Variants in MUSK observed in about 807,000 individuals in gnomAD.
MUSK encodes the protein muscle associated receptor tyrosine kinase.
MUSK carries 55 observed loss-of-function variants against 88.7 expected under a neutral mutation model. The observed-to-expected ratio is 0.62, with a 90% CI of 0.50 to 0.78. The LOEUF is 0.78. MUSK is among the 30% of genes least tolerant of loss of function. The probability of loss-of-function intolerance (pLI) is 0.00; values close to 1 mark genes in which losing one functional copy is unlikely to be tolerated. For synonymous variants in MUSK, 387 were observed against 391.9 expected (o/e 0.99, Z 0.15); for missense variants, 1,015 against 1,074.3 (o/e 0.94, Z 0.77).
chr9:110,673,314 T>A (rs1025589675), intron 1 of MUSK, among the ~76,000 whole-genome samples: 5 of 152,214 alleles, frequency 3.3e-5, no homozygotes, highest in Admixed American at 1.3e-4. Context: ...TTCAGCTCTA[T>A]CACTTCCTAT....
At chr9:110,733,123 C>G (rs1443346755) in intron 5 of MUSK, among the ~76,000 whole-genome samples, 1 of 151,998 alleles carries the variant, frequency 6.6e-6, no homozygotes, top group Non-Finnish European at 1.5e-5. Context: ...GCTTCATACT[C>G]TAATATTATA....
chr9:110,701,269 C>A (rs1442681787), intron 5 of MUSK, among the ~76,000 whole-genome samples: 1 of 152,064 alleles, frequency 6.6e-6, no homozygotes, highest in Non-Finnish European at 1.5e-5. Flanking sequence ...GTTTTTCCCT[C>A]CAGTGTTGCT....
chr9:110,773,019 C>T (rs1275600875), intron 9 of MUSK, among the ~76,000 whole-genome samples: 4 of 151,896 alleles, frequency 2.6e-5, no homozygotes, highest in Non-Finnish European at 5.9e-5. Context: ...GCAAGAACCG[C>T]AATTACTTTT....
rs566533129 is a variant in MUSK at position 110,727,296 on chromosome 9, T to C, written c.629-6955T>C. Among the ~76,000 whole-genome samples the C allele has an allele frequency of 1.1e-4, 17 of 152,192 alleles. No homozygotes were observed. In the East Asian group the frequency reaches 2.7e-3, roughly 24 times the overall value. ...CTTCTCATTGGGAAGACTCAATGTC[T>C]GAAAAGGGGGTTGAATTTCTGGCTC... On this transcript the variant is annotated intron_variant, in intron 5 of 14. Transcript: ENST00000374448.
At chr9:110,771,390 CTCTT>C (rs2077573380) in intron 9 of MUSK, among the ~76,000 whole-genome samples, 1 of 151,906 alleles carries the variant, frequency 6.6e-6, no homozygotes, top group Non-Finnish European at 1.5e-5. Flanking sequence ...GCGCCCAGCC[CTCTT>C]ATGCTCATTT....
In MUSK at chr9:110,718,914, A is replaced by T. The variant is rs563739620; in HGVS notation, c.629-15337A>T. On this transcript the variant is annotated intron_variant, in intron 5 of 14. Transcript: ENST00000374448. Reference sequence around the variant, plus strand: ...GCAGAAACCCTACAAGCTAGAAGAAATTGGGGTCCTATTTTTAGCCTCCTA... The same window carrying T: ...GCAGAAACCCTACAAGCTAGAAGAATTTGGGGTCCTATTTTTAGCCTCCTA... 2.0e-5 allele frequency among the ~76,000 whole-genome samples: 3 copies of T among 152,222 alleles called. No individual in the cohort carries two copies. The South Asian group carries it at 6.2e-4, about 32-fold the overall frequency.
chr9:110,754,336 T>C (rs956900891), intron 7 of MUSK, among the ~76,000 whole-genome samples: 3 of 152,210 alleles, frequency 2.0e-5, no homozygotes, highest in Non-Finnish European at 4.4e-5. Context: ...ATTTTAAAGA[T>C]ACTATAATAT....
In MUSK at chr9:110,701,685, CTTTACT is replaced by C. The variant is rs1319326962; in HGVS notation, c.628+4222_628+4227del. Among the ~76,000 whole-genome samples the C allele has an allele frequency of 0.01, 34 of 3,278 alleles. 12 individuals are homozygous for C. The East Asian group carries it at 0.25, about 24-fold the overall frequency. 2.2% of individuals were successfully genotyped at this position (3,278 alleles called of 152,430 possible). On this transcript the variant is annotated intron_variant, in intron 5 of 14. Transcript: ENST00000374448. The stretch of plus-strand genomic sequence containing the variant: ...TATTTATTTTATTTTATTTTTTTTA[CTTTACT>C]TTATTTTATTTTATTTTATTTTATT...
intron 7 of MUSK, among the ~76,000 whole-genome samples, chr9:110,750,816 G>A (rs376129077): frequency 6.6e-6 from 1 of 152,260 alleles, no homozygotes; most frequent in African/African-American, 2.4e-5. Flanking sequence ...TAAATAAGAA[G>A]TTAGAAAAAC....
rs190472013 is a variant in MUSK, at chr9:110,696,217, C to T, written c.486+687C>T. On this transcript the variant is annotated intron_variant, in intron 4 of 14. Coordinates refer to ENST00000374448, the MANE Select transcript of MUSK (RefSeq NM_005592.4). ...ACTTGAACCCGAGAGGCAGAGGTTG[C>T]AAGTGAGCCAAGATCTCACCACTGC... Among the ~76,000 whole-genome samples, 84 of 151,226 alleles carry T rather than the reference C, an allele frequency of 5.6e-4. 2 individuals carry two copies. The highest frequency in any genetic ancestry group is 2.4e-3 in the Admixed American group (37 of 15,170).
chr9:110,769,592 G>A (rs1008040311), intron 9 of MUSK, among the ~76,000 whole-genome samples: 3 of 152,216 alleles, frequency 2.0e-5, no homozygotes, highest in African/African-American at 4.8e-5. Flanking sequence ...TGAAAAAATA[G>A]TGTCTCTGTT....
chr9:110,720,498 T>C (rs1321261551), intron 5 of MUSK, among the ~76,000 whole-genome samples: 1 of 151,976 alleles, frequency 6.6e-6, no homozygotes, highest in Non-Finnish European at 1.5e-5. Context: ...CTAGAGGAGA[T>C]GGATAAACTC....
At chr9:110,684,709 CCTAG>C (rs1336943870) in intron 2 of MUSK, among the ~76,000 whole-genome samples, 2 of 151,754 alleles carry the variant, frequency 1.3e-5, no homozygotes, top group African/African-American at 4.8e-5. Flanking sequence ...TTGATTAATT[CCTAG>C]CTATTTAATT....
At chr9:110,685,155 GTTT>G (rs754904989) in intron 2 of MUSK, among the ~76,000 whole-genome samples, 1 of 151,900 alleles carries the variant, frequency 6.6e-6, no homozygotes, top group Non-Finnish European at 1.5e-5. Context: ...TTTTTTGAGG[GTTT>G]TTATCACAAA....
chr9:110,670,444 C>T (rs1440785954), intron 1 of MUSK, among the ~76,000 whole-genome samples: 1 of 152,064 alleles, frequency 6.6e-6, no homozygotes, highest in African/African-American at 2.4e-5. Flanking sequence ...AAGAGCAGGA[C>T]AATTGATTTT....
rs149552328 is a variant in MUSK, at chr9:110,803,584, CTCTATA to C, written c.*2604_*2609del. On this transcript the variant is annotated 3_prime_UTR_variant, in exon 15 of 15. Transcript: ENST00000374448. ...TAATTTGCATGTCGTTTCAAGCACA[CTCTATA>C]TCTATATTTTATTCTATTAACTTCC... 4.1e-3 allele frequency among the ~76,000 whole-genome samples: 630 copies of C among 152,338 alleles called. 8 individuals carry two copies. The highest frequency in any genetic ancestry group is 0.015 in the African/African-American group (608 of 41,576).
At chr9:110,798,117 A>G (rs919718795) in intron 14 of MUSK, among the ~76,000 whole-genome samples, 1 of 152,216 alleles carries the variant, frequency 6.6e-6, no homozygotes, top group Non-Finnish European at 1.5e-5. Context: ...ATAAGCAGTA[A>G]TCATTCATGC....
intron 5 of MUSK, among the ~76,000 whole-genome samples, chr9:110,697,930 AT>A (rs1251049111): frequency 1.3e-5 from 2 of 152,158 alleles, no homozygotes; most frequent in Non-Finnish European, 2.9e-5. Flanking sequence ...ATTAACTCAA[AT>A]CGTAAAGCCA....
chr9:110,717,187 T>A (rs903698722), intron 5 of MUSK, among the ~76,000 whole-genome samples: 3 of 149,928 alleles, frequency 2.0e-5, no homozygotes, highest in Non-Finnish European at 2.9e-5. Flanking sequence ...CTTCTTTTTT[T>A]AATTCCTTTT....
Sources: gnomAD v4.1 joint callset for allele counts (sites outside exome capture counted in the v4.1 genomes callset) on GRCh38, gnomAD v4.1.1 for gene constraint, MANE v1.5 for transcripts, NCBI Gene and HGNC (gene_info 2026-07-23, HGNC 2026-07-21) for gene names.